The following DMRTC1B variants were observed in gnomAD, a reference collection of about 807,000 sequenced individuals.
DMRTC1B encodes the protein DMRT like family C1B.
At chrX:72,832,755 GAC>G (rs1391942719) in intron 1 of DMRTC1B, among the ~76,000 whole-genome samples, 1 of 87,681 alleles carries the variant, frequency 1.1e-5, no homozygotes, top group Non-Finnish European at 2.2e-5. Flanking sequence ...ACCAGACAAA[GAC>G]ACAGTGAAAA....
intron 1 of DMRTC1B, among the ~76,000 whole-genome samples, chrX:72,841,439 AGGAAGGGAAG>A (rs782718833): frequency 3.8e-4 from 1 of 2,602 alleles, no homozygotes; most frequent in African/African-American, 2.0e-3. Flanking sequence ...CGGAAAGGAA[AGGAAGGGAAG>A]GGAAGGGAAG....
chrX:72,815,630 C>CTTT (rs782089848), intron 1 of DMRTC1B, among the ~76,000 whole-genome samples: 1 of 99,293 alleles, frequency 1.0e-5, no homozygotes, highest in Admixed American at 1.1e-4. Context: ...TTTTTCTCCT[C>CTTT]TTTTTTTTTT....
In DMRTC1B at chrX:72,807,525, C is replaced by T. The variant is rs1286622412; in HGVS notation, c.-95+30277C>T. Reference sequence around the variant, plus strand: ...GAGGGGGCTCGGTCACCGTTCACGCCTGTGTCTGTGGCTCCGGTGGTCTCA... The same window carrying T: ...GAGGGGGCTCGGTCACCGTTCACGCTTGTGTCTGTGGCTCCGGTGGTCTCA... On this transcript the variant is annotated intron_variant, in intron 1 of 6. Coordinates refer to ENST00000334036, the MANE Select transcript of DMRTC1B (RefSeq NM_001386972.1). The T allele has an allele frequency of 1.9e-5, 15 of 778,087 alleles. 1 individual carries two copies. The Admixed American group carries it at 4.3e-4, about 22-fold the overall frequency. The allele number at this position is 778,087 out of a possible 1,213,427, so 64.1% of individuals were successfully genotyped here. A position where few individuals can be genotyped will look rare whatever the true frequency, so the allele number is the denominator to read the frequency against.
rs1453338098 is a variant in DMRTC1B at position 72,802,535 on chromosome X, A to G, written c.-95+25287A>G. On this transcript the variant is annotated intron_variant, in intron 1 of 6. Transcript: ENST00000334036. ...CGCTTTCTTTCCCGCTCCCACAAAG[A>G]GTAATAGCGTCGGTCCTTCTCAACC... 1.6e-3 allele frequency among the ~76,000 whole-genome samples: 101 copies of G among 63,576 alleles called. 11 individuals are homozygous for G. Among genetic ancestry groups the G allele is most frequent in the Middle Eastern group, 0.03 (2 of 66 alleles). The allele number at this position is 63,576 out of a possible 115,157, so 55.2% of individuals were successfully genotyped here.
intron 1 of DMRTC1B, among the ~76,000 whole-genome samples, chrX:72,815,733 A>G (rs1292966279): frequency 1.3e-5 from 1 of 77,236 alleles, no homozygotes; most frequent in Non-Finnish European, 2.4e-5. Flanking sequence ...TTAGTTATAA[A>G]CTGTCAGTTG....
rs199811068 is a variant in DMRTC1B at position 72,815,558 on chromosome X, A to G, written c.-94-29484A>G. ...ATGGTTGCTCAACTTACCACACTCT[A>G]TCTTCAAGTAATACTATAGCATTTC... On this transcript the variant is annotated intron_variant, in intron 1 of 6. Transcript: ENST00000334036. Among the ~76,000 whole-genome samples the G allele has an allele frequency of 1.2e-4, 13 of 109,378 alleles. No homozygotes were observed. The East Asian group carries it at 3.3e-3, about 28-fold the overall frequency. The allele number at this position is 109,378 out of a possible 115,157, so 95.0% of individuals were successfully genotyped here.
intron 1 of DMRTC1B, among the ~76,000 whole-genome samples, chrX:72,794,222 TGAA>T (rs1468062973): frequency 1.6e-5 from 1 of 64,077 alleles, no homozygotes; most frequent in Non-Finnish European, 2.7e-5. Context: ...CTGTTATAAT[TGAA>T]GAAGATGTTT....
chrX:72,820,168 T>G (rs2054687413), intron 1 of DMRTC1B, among the ~76,000 whole-genome samples: 1 of 10,909 alleles, frequency 9.2e-5, no homozygotes, highest in East Asian at 1.7e-3. Context: ...CCATTTCATC[T>G]AAGCCATCAA....
At chrX:72,807,783 C>A (rs2054665099) in intron 1 of DMRTC1B, 1 of 390,584 alleles carries the variant, frequency 2.6e-6, no homozygotes, top group Middle Eastern at 6.7e-4. Flanking sequence ...TCCTCCAAGA[C>A]CCTCGCAGAA....
intron 1 of DMRTC1B, chrX:72,807,663 G>A (rs1263718541): frequency 3.1e-5 from 19 of 607,141 alleles, no homozygotes; most frequent in Admixed American, 2.9e-4. Context: ...GAACAGGAAG[G>A]GGAGGCGGAT....
chrX:72,792,554 A>G (rs2054619093), intron 1 of DMRTC1B, among the ~76,000 whole-genome samples: 1 of 115,005 alleles, frequency 8.7e-6, no homozygotes, highest in African/African-American at 3.1e-5. Context: ...AGTTCCGTTC[A>G]GGAAAATAGG....
chrX:72,839,484 T>C (rs1174090103), intron 1 of DMRTC1B, among the ~76,000 whole-genome samples: 1 of 112,729 alleles, frequency 8.9e-6, no homozygotes, highest in Non-Finnish European at 1.9e-5. Context: ...GGCATCAGAT[T>C]GTTCACTGTA....
intron 1 of DMRTC1B, among the ~76,000 whole-genome samples, chrX:72,804,867 C>T (rs1281593587): frequency 9.7e-6 from 1 of 103,158 alleles, no homozygotes; most frequent in African/African-American, 3.5e-5. Flanking sequence ...CCCACACCTT[C>T]TTCTGAGGCA....
chrX:72,820,794 A>AT (rs1231260165), intron 1 of DMRTC1B, among the ~76,000 whole-genome samples: 5 of 65,668 alleles, frequency 7.6e-5, no homozygotes, highest in Admixed American at 1.7e-4. Flanking sequence ...GATGTTTCTT[A>AT]TTTTTTTTTA....
chrX:72,820,490 G>T (rs868987886), intron 1 of DMRTC1B, among the ~76,000 whole-genome samples: 1 of 111,048 alleles, frequency 9.0e-6, no homozygotes, highest in African/African-American at 3.3e-5. Flanking sequence ...AATGCGGAGG[G>T]TAAGGTTATT....
At chrX:72,820,397 A>C (rs1603283004) in intron 1 of DMRTC1B, among the ~76,000 whole-genome samples, 1 of 74,180 alleles carries the variant, frequency 1.3e-5, no homozygotes. Context: ...TCCACTCTTC[A>C]TTTCATTAAT....
chrX:72,841,429 CGGAAA>C (rs1180159821), intron 1 of DMRTC1B, among the ~76,000 whole-genome samples: 1 of 1,510 alleles, frequency 6.6e-4, no homozygotes, highest in African/African-American at 2.2e-3. Flanking sequence ...AAGGAAAGAA[CGGAAA>C]GGAAAGGAAG....
chrX:72,815,437 AT>A (rs1379829881), intron 1 of DMRTC1B, among the ~76,000 whole-genome samples: 1 of 76,537 alleles, frequency 1.3e-5, no homozygotes, highest in Non-Finnish European at 2.5e-5. Flanking sequence ...CCTCTCGTCC[AT>A]TTTTTTTCAT....
At chrX:72,839,286 T>G (rs1467918945) in intron 1 of DMRTC1B, among the ~76,000 whole-genome samples, 1 of 111,385 alleles carries the variant, frequency 9.0e-6, no homozygotes, top group African/African-American at 3.4e-5. Context: ...GTATGTGAAC[T>G]TGGATAGTAT....
Sources: gnomAD v4.1 joint callset for allele counts (sites outside exome capture counted in the v4.1 genomes callset) on GRCh38, gnomAD v4.1.1 for gene constraint, MANE v1.5 for transcripts, NCBI Gene and HGNC (gene_info 2026-07-23, HGNC 2026-07-21) for gene names.